Variants in MAGI2 observed in about 807,000 individuals in gnomAD.
The protein encoded by MAGI2 is membrane-associated guanylate kinase, WW and PDZ domain-containing protein 2.
MAGI2 carries 35 observed loss-of-function variants against 133.3 expected under a neutral mutation model. That is an observed-to-expected ratio of 0.26 (90% CI 0.20 to 0.35). The LOEUF (loss-of-function observed/expected upper bound fraction) is 0.35, where lower values mean the gene tolerates loss of function less well. MAGI2 is among the 10% of genes least tolerant of loss of function. MAGI2 has a pLI of 1.00. For synonymous variants in MAGI2, 729 were observed against 710.6 expected (o/e 1.03, Z -0.41); for missense variants, 1,636 against 1,863.4 (o/e 0.88, Z 2.25).
At chr7:78,663,270 G>C (rs1419462603) in intron 2 of MAGI2, among the ~76,000 whole-genome samples, 2 of 140,306 alleles carry the variant, frequency 1.4e-5, no homozygotes, top group African/African-American at 5.4e-5. Flanking sequence ...GCAGTGGCCT[G>C]ATCTCTGCTC....
intron 3 of MAGI2, among the ~76,000 whole-genome samples, chr7:78,582,190 T>C (rs898836190): frequency 1.3e-5 from 2 of 152,150 alleles, no homozygotes; most frequent in African/African-American, 2.4e-5. Context: ...GTAAACTGAT[T>C]TTTGAAAATG....
At chr7:79,039,845 T>C (rs1010643667) in intron 1 of MAGI2, among the ~76,000 whole-genome samples, 1 of 145,896 alleles carries the variant, frequency 6.9e-6, no homozygotes, top group Non-Finnish European at 1.5e-5. Flanking sequence ...ATATTATATA[T>C]ACATATATAT....
At chr7:78,375,882 T>C (rs1484026438) in intron 6 of MAGI2, among the ~76,000 whole-genome samples, 2 of 152,114 alleles carry the variant, frequency 1.3e-5, no homozygotes, top group African/African-American at 2.4e-5. Flanking sequence ...ATATGAAATA[T>C]GTTTTTAGAA....
At chr7:78,176,908 GACACACACACACACAC>G (rs200781303) in intron 14 of MAGI2, among the ~76,000 whole-genome samples, 17 of 130,484 alleles carry the variant, frequency 1.3e-4, no homozygotes, top group African/African-American at 4.3e-4. Flanking sequence ...ACCATATATA[GACACACACACACACAC>G]ACACACACAC....
chr7:78,434,220 G>A (rs575468742), intron 6 of MAGI2, among the ~76,000 whole-genome samples: 4 of 152,164 alleles, frequency 2.6e-5, no homozygotes, highest in South Asian at 2.1e-4. Flanking sequence ...TCAGAAACAC[G>A]GTATAGATCA....
intron 1 of MAGI2, among the ~76,000 whole-genome samples, chr7:79,106,119 A>C (rs760495404): frequency 1.3e-5 from 2 of 152,184 alleles, no homozygotes; most frequent in Non-Finnish European, 2.9e-5. Flanking sequence ...TTTAGGAATT[A>C]TATACAGGAA....
intron 1 of MAGI2, among the ~76,000 whole-genome samples, chr7:79,057,828 T>C (rs1226430608): frequency 6.6e-6 from 1 of 151,998 alleles, no homozygotes; most frequent in Admixed American, 6.6e-5. Flanking sequence ...ATAGGGGTGG[T>C]TGGGTTATGA....
At chr7:79,153,685 G>A (rs1823491919) in intron 1 of MAGI2, among the ~76,000 whole-genome samples, 1 of 152,218 alleles carries the variant, frequency 6.6e-6, no homozygotes, top group Non-Finnish European at 1.5e-5. Context: ...CCTAAGCATA[G>A]TGGAAGCCAT....
At chr7:78,964,356 AC>A (rs2115843615) in intron 2 of MAGI2, among the ~76,000 whole-genome samples, 1 of 152,034 alleles carries the variant, frequency 6.6e-6, no homozygotes, top group South Asian at 2.1e-4. Flanking sequence ...TATCATTTTC[AC>A]TTTTTGTATT....
At chr7:79,418,405 T>G (rs935128025) in intron 1 of MAGI2, among the ~76,000 whole-genome samples, 2 of 152,102 alleles carry the variant, frequency 1.3e-5, no homozygotes, top group African/African-American at 4.8e-5. Flanking sequence ...TAACTCTGGA[T>G]GTTTACATAT....
At chr7:78,418,652 T>C (rs1411800340) in intron 6 of MAGI2, among the ~76,000 whole-genome samples, 2 of 152,140 alleles carry the variant, frequency 1.3e-5, no homozygotes, top group Non-Finnish European at 2.9e-5. Context: ...TTTTGGACAG[T>C]ACAGAACTAG....
At chr7:78,778,133 T>C (rs2151333489) in intron 2 of MAGI2, among the ~76,000 whole-genome samples, 1 of 152,314 alleles carries the variant, frequency 6.6e-6, no homozygotes, top group East Asian at 1.9e-4. Context: ...CACCAGAGGA[T>C]CATGCTTTTC....
Position 78,844,786 on chromosome 7 carries a change from A to C in MAGI2, c.418+162304T>G, listed in dbSNP as rs117502768. On this transcript the variant is annotated intron_variant, in intron 2 of 21. Transcript: ENST00000354212. ...AAAACCCACTGAATTGCACACTTTT[A>C]AAGAAGCAGATTTCATGGCATATGA... 2.1e-3 allele frequency among the ~76,000 whole-genome samples: 320 copies of C among 152,004 alleles called. 6 individuals are homozygous for C. The East Asian group carries it at 0.039, about 18-fold the overall frequency.
intron 9 of MAGI2, among the ~76,000 whole-genome samples, chr7:78,333,772 C>T (rs939692707): frequency 1.3e-5 from 2 of 152,192 alleles, no homozygotes; most frequent in South Asian, 2.1e-4. Context: ...CGCATGCTAG[C>T]CCCAGGAGAG....
chr7:78,296,720 G>A lies in MAGI2; in HGVS notation c.1409-40139C>T, dbSNP rs553256043. On this transcript the variant is annotated intron_variant, in intron 9 of 21. Transcript: ENST00000354212. The stretch of plus-strand genomic sequence containing the variant: ...AAATTGAGTAACTTCTAGTGGTTTC[G>A]GAAATGCTTGCTTAAGCATCAGAGG... Among the ~76,000 whole-genome samples, 20 of 152,224 alleles carry A rather than the reference G, an allele frequency of 1.3e-4. 1 individual carries two copies. The highest frequency in any genetic ancestry group is 1.1e-3 in the Admixed American group (17 of 15,284).
At chr7:78,832,998 C>T (rs1791325240) in intron 2 of MAGI2, among the ~76,000 whole-genome samples, 1 of 152,126 alleles carries the variant, frequency 6.6e-6, no homozygotes, top group East Asian at 1.9e-4. Flanking sequence ...CCTCATCTTG[C>T]CACGGCTCTT....
chr7:78,050,438 C>A (rs1019020), intron 21 of MAGI2, among the ~76,000 whole-genome samples: 24,886 of 152,132 alleles, frequency 0.16, 2,736 homozygotes, highest in African/African-American at 0.3. Context: ...TGAACATTGA[C>A]TAGGAATAAA....
chr7:78,338,225 G>A (rs749691964), intron 9 of MAGI2, among the ~76,000 whole-genome samples: 7 of 152,108 alleles, frequency 4.6e-5, no homozygotes, highest in Non-Finnish European at 1.0e-4. Context: ...AATCCACACT[G>A]AAGGTGAAAC....
At chr7:79,124,993 G>T in intron 1 of MAGI2, 1 of 263,110 alleles carries the variant, frequency 3.8e-6, no homozygotes, top group Non-Finnish European at 7.5e-6. Flanking sequence ...TGGAAGCAAA[G>T]AGGGCCAACT....
Sources: allele counts gnomAD v4.1 joint callset (sites outside exome capture counted in the v4.1 genomes callset), GRCh38; gene constraint gnomAD v4.1.1; transcripts MANE v1.5; gene names NCBI Gene and HGNC (gene_info 2026-07-23, HGNC 2026-07-21).